The following STAG1 variants were observed in gnomAD, a reference collection of about 807,000 sequenced individuals.
STAG1 encodes the protein cohesin subunit SA-1.
STAG1 carries 26 observed loss-of-function variants against 170.9 expected under a neutral mutation model. That is an observed-to-expected ratio of 0.15 (90% confidence interval 0.11 to 0.21). The LOEUF is 0.21. Ranked by LOEUF, STAG1 falls within the 10% of genes least tolerant of loss-of-function variation. STAG1 has a pLI of 1.00. For missense variants in STAG1, 964 were observed against 1,509.5 expected (o/e 0.64, Z 5.99); for synonymous variants, 514 against 497.7 (o/e 1.03, Z -0.44).
intron 1 of STAG1, among the ~76,000 whole-genome samples, chr3:136,696,025 T>TAC (rs2107902693): frequency 6.6e-6 from 1 of 152,280 alleles, no homozygotes; most frequent in South Asian, 2.1e-4. Flanking sequence ...ATTCAGGACA[T>TAC]ACACACAGAG....
chr3:136,398,836 CA>C lies in STAG1; in HGVS notation c.2197-8del. On this transcript the variant is annotated splice_polypyrimidine_tract_variant and splice_region_variant and intron_variant, in intron 21 of 33. Coordinates refer to ENST00000383202, the MANE Select transcript of STAG1 (RefSeq NM_005862.3). ...GCAGTGCTTGCACGACTATCTGTAT[CA>C]AATGAAAAAAAATTTTTTTAATGAA... is the stretch of plus-strand genomic sequence containing the variant. The C allele has an allele frequency of 6.5e-7, 1 of 1,533,630 alleles. No homozygotes were observed. The highest frequency in any genetic ancestry group is 8.8e-7 in the Non-Finnish European group (1 of 1,140,846).
intron 28 of STAG1, among the ~76,000 whole-genome samples, chr3:136,353,623 C>T (rs1009711913): frequency 2.0e-5 from 3 of 152,166 alleles, no homozygotes; most frequent in African/African-American, 7.2e-5. Context: ...TCACTGTAAC[C>T]TCAAACTGCT....
chr3:136,438,271 G>A (rs1394252570), intron 15 of STAG1, among the ~76,000 whole-genome samples: 3 of 130,260 alleles, frequency 2.3e-5, no homozygotes, highest in Non-Finnish European at 4.7e-5. Context: ...ATGGAGTCTC[G>A]CTCTATTGCC....
At chr3:136,588,444 A>C (rs565534038) in intron 4 of STAG1, among the ~76,000 whole-genome samples, 2 of 152,108 alleles carry the variant, frequency 1.3e-5, no homozygotes, top group Admixed American at 1.3e-4. Flanking sequence ...AGATTCAGGC[A>C]ATCCTCCTGC....
At chr3:136,694,875 A>C (rs1942836827) in intron 1 of STAG1, among the ~76,000 whole-genome samples, 1 of 152,210 alleles carries the variant, frequency 6.6e-6, no homozygotes. Context: ...ATATCATGGA[A>C]GAAGAAAAGT....
intron 21 of STAG1, among the ~76,000 whole-genome samples, chr3:136,404,761 T>C (rs1436241999): frequency 6.6e-6 from 1 of 152,168 alleles, no homozygotes; most frequent in African/African-American, 2.4e-5. Context: ...CTAATTAATG[T>C]AAAGCTTCTG....
chr3:136,510,260 T>C (rs970785521), intron 7 of STAG1, among the ~76,000 whole-genome samples: 1 of 152,180 alleles, frequency 6.6e-6, no homozygotes, highest in Non-Finnish European at 1.5e-5. Context: ...GTTTCCCACA[T>C]GCTCTTCTCA....
intron 27 of STAG1, 111 bp from the exon 28 acceptor site, chr3:136,357,959 A>T (rs569652147): frequency 1.2e-6 from 1 of 834,930 alleles, no homozygotes; most frequent in East Asian, 2.8e-5. Context: ...AAAGGTAGTA[A>T]AATCTGATAA....
Position 136,521,333 on chromosome 3 carries a change from T to C in STAG1, c.556A>G (p.Ile186Val). 6.2e-7 allele frequency: 1 copy of C among 1,613,820 alleles called. No homozygotes were observed. Among genetic ancestry groups the C allele is most frequent in the South Asian group, 1.1e-5 (1 of 91,078 alleles). Reference protein sequence around the residue: ...SNFCEFIGVLIRQCQYSIIYD... With the variant: ...SNFCEFIGVLVRQCQYSIIYD... ...ATTATGCTATACTGACACTGTCGAA[T>C]CAGGACTCCAATAAATTCACAAAAG... The change falls in exon 7 of 34, where the codon ATT becomes GTT. Residue 186 changes from isoleucine (I) to valine (V), a missense_variant. By Grantham distance (29) the Ile-to-Val change is conservative. Around this residue, in one of 11 missense-constraint regions of STAG1, gnomAD observed 40 missense variants for 44.1 expected, o/e 0.91. Coordinates refer to ENST00000383202, the MANE Select transcript of STAG1 (RefSeq NM_005862.3).
At chr3:136,466,716 T>C (rs2089472261) in intron 12 of STAG1, among the ~76,000 whole-genome samples, 1 of 151,744 alleles carries the variant, frequency 6.6e-6, no homozygotes, top group Non-Finnish European at 1.5e-5. Flanking sequence ...TTCACCAAAG[T>C]TGAAATGAAG....
At chr3:136,413,881 T>TCCCA (rs1224329635) in intron 21 of STAG1, among the ~76,000 whole-genome samples, 1 of 152,190 alleles carries the variant, frequency 6.6e-6, no homozygotes, top group African/African-American at 2.4e-5. Context: ...GCAAGTTTAC[T>TCCCA]CCCAGACCAT....
chr3:136,397,584 C>T (rs1259391087), intron 22 of STAG1, among the ~76,000 whole-genome samples: 1 of 151,944 alleles, frequency 6.6e-6, no homozygotes, highest in Non-Finnish European at 1.5e-5. Flanking sequence ...AGACTCTTTT[C>T]CTTATAATCC....
At chr3:136,537,075 C>T (rs2107718946) in intron 6 of STAG1, among the ~76,000 whole-genome samples, 1 of 152,200 alleles carries the variant, frequency 6.6e-6, no homozygotes, top group African/African-American at 2.4e-5. Flanking sequence ...GGAGTCATCC[C>T]AATTTTTTAA....
chr3:136,590,365 C>T (rs1467083084), intron 4 of STAG1, among the ~76,000 whole-genome samples: 6 of 151,356 alleles, frequency 4.0e-5, no homozygotes, highest in South Asian at 2.1e-4. Flanking sequence ...TAGTGGTGTG[C>T]GCCTGTAATC....
chr3:136,466,770 A>T (rs1323230828), intron 12 of STAG1, among the ~76,000 whole-genome samples: 1 of 152,212 alleles, frequency 6.6e-6, no homozygotes, highest in Non-Finnish European at 1.5e-5. Flanking sequence ...CGGGTTACCC[A>T]CAAAGGGAAG....
intron 1 of STAG1, among the ~76,000 whole-genome samples, chr3:136,734,669 T>G (rs1315597020): frequency 1.3e-5 from 2 of 152,210 alleles, no homozygotes; most frequent in African/African-American, 4.8e-5. Context: ...CCACCCACAT[T>G]TCATTAACCC....
intron 1 of STAG1, among the ~76,000 whole-genome samples, chr3:136,728,308 T>C (rs9843746): frequency 6.6e-6 from 1 of 152,162 alleles, no homozygotes; most frequent in African/African-American, 2.4e-5. Context: ...TAGAACAAAA[T>C]TATTTATCTT....
At chr3:136,479,060 C>CTT (rs66966875) in intron 9 of STAG1, among the ~76,000 whole-genome samples, 85 of 125,164 alleles carry the variant, frequency 6.8e-4, no homozygotes, top group Middle Eastern at 4.1e-3. Context: ...TATAATCTTT[C>CTT]TTTTTTTTTT....
intron 9 of STAG1, among the ~76,000 whole-genome samples, chr3:136,497,853 C>CAA (rs72492781): frequency 8.2e-6 from 1 of 121,246 alleles, no homozygotes; most frequent in Non-Finnish European, 1.7e-5. Flanking sequence ...AGACTCATCT[C>CAA]AAAAAAAAAA....
Sources: allele counts gnomAD v4.1 joint callset (sites outside exome capture counted in the v4.1 genomes callset), GRCh38; gene constraint gnomAD v4.1.1; regional missense constraint gnomAD v4.1.1; transcripts MANE v1.5; gene names NCBI Gene and HGNC (gene_info 2026-07-23, HGNC 2026-07-21).